Variants in FARS2 observed in about 807,000 individuals in gnomAD.
FARS2 encodes the protein phenylalanyl-tRNA synthetase 2, mitochondrial, also known as phenylalanine--tRNA ligase, mitochondrial.
In FARS2, 40 loss-of-function variants were observed where a neutral mutation model predicts 46.4. That is an observed-to-expected ratio of 0.86 (90% CI 0.67 to 1.12). The LOEUF is 1.12. FARS2 is among the 50% of genes most tolerant of loss of function. The pLI is 0.00. For synonymous variants in FARS2, 234 were observed against 214.9 expected (o/e 1.09, Z -0.78); for missense variants, 513 against 567.9 (o/e 0.90, Z 0.98).
intron 5 of FARS2, among the ~76,000 whole-genome samples, chr6:5,605,598 A>G (rs1040465837): frequency 6.6e-5 from 10 of 152,354 alleles, no homozygotes; most frequent in Admixed American, 2.0e-4. Context: ...CAGCAAGAGA[A>G]CATTCACAAT....
intron 5 of FARS2, among the ~76,000 whole-genome samples, chr6:5,607,281 A>ATGTGTG (rs752038841): frequency 1.8e-4 from 27 of 147,392 alleles, no homozygotes; most frequent in African/African-American, 6.9e-4. Flanking sequence ...AAAGAATAAT[A>ATGTGTG]TGTATGTGTG....
intron 4 of FARS2, among the ~76,000 whole-genome samples, chr6:5,509,215 T>C (rs1332587939): frequency 2.6e-5 from 4 of 152,198 alleles, no homozygotes; most frequent in Non-Finnish European, 5.9e-5. Flanking sequence ...CCAATCAGAA[T>C]TGCTGAGAAC....
chr6:5,352,204 C>G (rs1014526153), intron 1 of FARS2, among the ~76,000 whole-genome samples: 1 of 150,292 alleles, frequency 6.7e-6, no homozygotes, highest in African/African-American at 2.5e-5. Context: ...TGGCCAAAGA[C>G]AATTCTTCTG....
intron 1 of FARS2, among the ~76,000 whole-genome samples, chr6:5,345,737 A>G (rs1197443495): frequency 2.0e-5 from 3 of 152,174 alleles, no homozygotes. Context: ...CCATTCTCCC[A>G]TTTTATCCTG....
At chr6:5,403,990 T>C (rs1761410277) in intron 2 of FARS2, among the ~76,000 whole-genome samples, 1 of 152,240 alleles carries the variant, frequency 6.6e-6, no homozygotes, top group South Asian at 2.1e-4. Flanking sequence ...ACTAATTTAC[T>C]ATTATTATTC....
rs114854104 is a variant in FARS2, at chr6:5,744,413, C to T, written c.1218-26878C>T. On this transcript the variant is annotated intron_variant, in intron 6 of 6. Coordinates refer to ENST00000274680, the MANE Select transcript of FARS2 (RefSeq NM_006567.5). ...GGTAACAATCAGTGTTAGTAAATTA[C>T]CCATTACAGCAGTCCTCTGAGATAA... Among the ~76,000 whole-genome samples, 1,315 of 152,322 alleles carry T rather than the reference C, an allele frequency of 8.6e-3. 9 individuals are homozygous for T. The highest frequency in any genetic ancestry group is 0.013 in the Non-Finnish European group (867 of 68,034).
intron 4 of FARS2, among the ~76,000 whole-genome samples, chr6:5,522,142 G>A (rs1238046211): frequency 6.6e-6 from 1 of 152,218 alleles, no homozygotes; most frequent in Non-Finnish European, 1.5e-5. Flanking sequence ...TTCTCAGTCA[G>A]AGAGAGACCA....
intron 5 of FARS2, among the ~76,000 whole-genome samples, chr6:5,587,216 G>A (rs1181932668): frequency 6.6e-6 from 1 of 152,054 alleles, no homozygotes; most frequent in Non-Finnish European, 1.5e-5. Flanking sequence ...TGGTATTAAG[G>A]AATATGTAAA....
chr6:5,636,730 G>A (rs1174310864), intron 6 of FARS2, among the ~76,000 whole-genome samples: 1 of 152,220 alleles, frequency 6.6e-6, no homozygotes, highest in Non-Finnish European at 1.5e-5. Flanking sequence ...ACCTGGTCAA[G>A]CCACCAGGAG....
intron 6 of FARS2, among the ~76,000 whole-genome samples, chr6:5,758,350 C>T (rs954374991): frequency 1.3e-5 from 2 of 152,084 alleles, no homozygotes; most frequent in Middle Eastern, 3.4e-3. Context: ...TAAATGTTGC[C>T]GGGCCATTTG....
chr6:5,586,148 C>T (rs1472589701), intron 5 of FARS2, among the ~76,000 whole-genome samples: 2 of 152,030 alleles, frequency 1.3e-5, no homozygotes, highest in Non-Finnish European at 2.9e-5. Flanking sequence ...TATATGTGAG[C>T]TCATATTATC....
At chr6:5,490,207 A>G (rs548707839) in intron 4 of FARS2, among the ~76,000 whole-genome samples, 1 of 152,288 alleles carries the variant, frequency 6.6e-6, no homozygotes, top group Non-Finnish European at 1.5e-5. Context: ...AGGTTCATCC[A>G]TGTTGCATGT....
chr6:5,613,003 TG>T (rs1262763291), intron 5 of FARS2, among the ~76,000 whole-genome samples, 165 bp from the exon 6 acceptor site: 3 of 152,252 alleles, frequency 2.0e-5, no homozygotes, highest in African/African-American at 7.2e-5. Context: ...TTGCTAATTT[TG>T]AATATTGATT....
intron 4 of FARS2, among the ~76,000 whole-genome samples, chr6:5,496,345 TC>T (rs1767463367): frequency 6.6e-6 from 1 of 152,190 alleles, no homozygotes; most frequent in African/African-American, 2.4e-5. Flanking sequence ...TACAAGGTGT[TC>T]AGCATTCAGA....
chr6:5,728,173 G>C lies in FARS2; in HGVS notation c.1218-43118G>C, dbSNP rs576835572. ...GGTAGCCAGGGTTTCCGATCACAGG[G>C]ATAGTTTCCTGAGAAACTTAAATGG... is the stretch of plus-strand genomic sequence containing the variant. On this transcript the variant is annotated intron_variant, in intron 6 of 6. Transcript: ENST00000274680. Among the ~76,000 whole-genome samples the C allele has an allele frequency of 5.3e-5, 8 of 152,314 alleles. No homozygotes were observed. In the South Asian group the frequency reaches 1.7e-3, roughly 32 times the overall value.
chr6:5,506,615 ACT>A (rs1330999198), intron 4 of FARS2, among the ~76,000 whole-genome samples: 2 of 152,124 alleles, frequency 1.3e-5, no homozygotes, highest in African/African-American at 4.8e-5. Context: ...GACGGGTATC[ACT>A]CTGTGGACAC....
chr6:5,397,097 TAAA>T (rs1478211840), intron 2 of FARS2, among the ~76,000 whole-genome samples: 3 of 152,132 alleles, frequency 2.0e-5, no homozygotes, highest in African/African-American at 7.2e-5. Flanking sequence ...GTATAAGTAA[TAAA>T]AATGGTTTTT....
intron 4 of FARS2, among the ~76,000 whole-genome samples, chr6:5,514,999 T>C (rs1047312887): frequency 1.3e-5 from 2 of 151,840 alleles, no homozygotes; most frequent in African/African-American, 4.8e-5. Context: ...TGGTCTTGAA[T>C]TCCTGGTCTC....
At chr6:5,444,698 G>A (rs1562045807) in intron 4 of FARS2, among the ~76,000 whole-genome samples, 1 of 152,114 alleles carries the variant, frequency 6.6e-6, no homozygotes, top group Non-Finnish European at 1.5e-5. Context: ...AAATTAGATG[G>A]ATGGCTGTGT....
Sources: gnomAD v4.1 joint callset for allele counts (sites outside exome capture counted in the v4.1 genomes callset) on GRCh38, gnomAD v4.1.1 for gene constraint, MANE v1.5 for transcripts, NCBI Gene and HGNC (gene_info 2026-07-23, HGNC 2026-07-21) for gene names.